Variants in GALNT17 observed in about 807,000 individuals in gnomAD.
The protein encoded by GALNT17 is polypeptide N-acetylgalactosaminyltransferase 17.
Under a neutral mutation model 63.7 loss-of-function variants are expected in GALNT17, and 29 were observed. That is an observed-to-expected ratio of 0.46 (90% CI 0.34 to 0.62). The LOEUF is 0.62. Among genes scored for constraint, GALNT17 ranks in the 20% least tolerant of loss-of-function variants. The pLI is 0.01. For missense variants in GALNT17, 603 were observed against 799.6 expected (o/e 0.75, Z 2.97); for synonymous variants, 305 against 318.3 (o/e 0.96, Z 0.45).
chr7:71,470,328 G>A (rs1407588786), intron 5 of GALNT17, among the ~76,000 whole-genome samples: 1 of 152,136 alleles, frequency 6.6e-6, no homozygotes, highest in Non-Finnish European at 1.5e-5. Flanking sequence ...TTTAAGTTTT[G>A]GAGGATGTTT....
chr7:71,473,482 T>A (rs567176898), intron 5 of GALNT17, among the ~76,000 whole-genome samples: 1 of 152,218 alleles, frequency 6.6e-6, no homozygotes, highest in African/African-American at 2.4e-5. Flanking sequence ...GGGTCTGGCA[T>A]GTGACACTAT....
At chr7:71,178,069 A>G (rs899591780) in intron 1 of GALNT17, among the ~76,000 whole-genome samples, 1 of 152,144 alleles carries the variant, frequency 6.6e-6, no homozygotes, top group Non-Finnish European at 1.5e-5. Context: ...TGGCTGAAGA[A>G]ATTCCTTTAG....
At chr7:71,547,696 A>G (rs907978202) in intron 5 of GALNT17, among the ~76,000 whole-genome samples, 1 of 152,188 alleles carries the variant, frequency 6.6e-6, no homozygotes, top group Non-Finnish European at 1.5e-5. Flanking sequence ...TAATGAAAGC[A>G]GTTTTCTAAT....
At chr7:71,150,516 CTTT>C (rs1039115599) in intron 1 of GALNT17, among the ~76,000 whole-genome samples, 2 of 141,440 alleles carry the variant, frequency 1.4e-5, no homozygotes. Flanking sequence ...TTTTCTTTTT[CTTT>C]TTTTTTTTTT....
At chr7:71,419,194 C>T (rs569399603) in intron 4 of GALNT17, among the ~76,000 whole-genome samples, 1 of 152,294 alleles carries the variant, frequency 6.6e-6, no homozygotes, top group African/African-American at 2.4e-5. Context: ...ATGATCTGGA[C>T]TTGCATGGGG....
rs141180649 is a variant in GALNT17 at position 71,347,638 on chromosome 7, C to G, written c.422+11905C>G. The stretch of plus-strand genomic sequence containing the variant: ...GGCATTTCCTTGTCCCCAAGCAGCA[C>G]AGAAATCCAGAGGGTCCAGCCTGAG... On this transcript the variant is annotated intron_variant, in intron 2 of 10. Transcript: ENST00000333538. Among the ~76,000 whole-genome samples the G allele has an allele frequency of 2.4e-3, 364 of 152,120 alleles. 1 individual carries two copies. Among genetic ancestry groups the G allele is most frequent in the African/African-American group, 8.4e-3 (347 of 41,508 alleles).
chr7:71,607,442 A>G (rs1366422216), intron 6 of GALNT17, among the ~76,000 whole-genome samples: 1 of 152,364 alleles, frequency 6.6e-6, no homozygotes, highest in South Asian at 2.1e-4. Context: ...CTTGAAACAC[A>G]TAGAAAAGTT....
At chr7:71,515,945 C>T (rs971723124) in intron 5 of GALNT17, among the ~76,000 whole-genome samples, 8 of 152,184 alleles carry the variant, frequency 5.3e-5, no homozygotes, top group Admixed American at 2.0e-4. Context: ...GTCACTTTCT[C>T]GTGAGGCTTT....
intron 3 of GALNT17, 81 bp downstream of exon 3, chr7:71,388,482 A>G (rs1262445682): frequency 6.6e-7 from 1 of 1,517,204 alleles, no homozygotes; most frequent in Non-Finnish European, 9.0e-7. Flanking sequence ...GAGCCCGAGC[A>G]TCTGTGTCTC....
intron 1 of GALNT17, among the ~76,000 whole-genome samples, chr7:71,287,967 G>A (rs58735502): frequency 0.045 from 6,691 of 148,420 alleles, 511 homozygotes; most frequent in African/African-American, 0.16. Context: ...CAGGAGAATC[G>A]CTTGAACCAG....
At chr7:71,245,795 A>G (rs1429975634) in intron 1 of GALNT17, among the ~76,000 whole-genome samples, 5 of 151,374 alleles carry the variant, frequency 3.3e-5, no homozygotes, top group Admixed American at 3.3e-4. Flanking sequence ...GGAGAAATCA[A>G]TAGGGGAAGA....
chr7:71,184,989 TTCCTTCCTTCTTCCTTCCCTCCCTCCC>T (rs1353879839), intron 1 of GALNT17, among the ~76,000 whole-genome samples: 2 of 123,770 alleles, frequency 1.6e-5, no homozygotes, highest in African/African-American at 3.5e-5. Flanking sequence ...CCTTCCTTCC[TTCCTTCCTTCTTCCTTCCCTCCCTCCC>T]TCCTTCCTTC....
At chr7:71,549,007 G>C (rs1029657417) in intron 5 of GALNT17, among the ~76,000 whole-genome samples, 1 of 152,142 alleles carries the variant, frequency 6.6e-6, no homozygotes, top group Admixed American at 6.5e-5. Context: ...TGAGCCTCTG[G>C]GGGTTATGGA....
At chr7:71,317,077 T>C (rs1266256592) in intron 1 of GALNT17, among the ~76,000 whole-genome samples, 1 of 152,184 alleles carries the variant, frequency 6.6e-6, no homozygotes, top group African/African-American at 2.4e-5. Context: ...GGCCTCCGGC[T>C]TGAGCTGGGC....
chr7:71,552,469 C>G (rs945390687), intron 5 of GALNT17, among the ~76,000 whole-genome samples: 5 of 144,876 alleles, frequency 3.5e-5, no homozygotes, highest in African/African-American at 1.3e-4. Flanking sequence ...GAGATGGAGT[C>G]TCACTCTGTT....
chr7:71,362,614 G>A (rs1792424554), intron 2 of GALNT17, among the ~76,000 whole-genome samples: 1 of 152,158 alleles, frequency 6.6e-6, no homozygotes, highest in Non-Finnish European at 1.5e-5. Flanking sequence ...ATCCCACGTG[G>A]CTGTGTGATT....
chr7:71,303,525 T>C (rs1791237637), intron 1 of GALNT17, among the ~76,000 whole-genome samples: 1 of 152,150 alleles, frequency 6.6e-6, no homozygotes, highest in Non-Finnish European at 1.5e-5. Flanking sequence ...TGAATAGACA[T>C]TGGGACACTT....
At chr7:71,205,130 ATT>A (rs1314275264) in intron 1 of GALNT17, among the ~76,000 whole-genome samples, 1 of 131,880 alleles carries the variant, frequency 7.6e-6, no homozygotes, top group African/African-American at 2.7e-5. Context: ...ATTTTATTTT[ATT>A]TTTTATTTTT....
intron 1 of GALNT17, among the ~76,000 whole-genome samples, chr7:71,222,582 G>A (rs141357021): frequency 1.3e-5 from 2 of 152,268 alleles, no homozygotes; most frequent in South Asian, 2.1e-4. Context: ...GTTAGCCATC[G>A]TGCCCAGCAC....
Sources: gnomAD v4.1 joint callset for allele counts (sites outside exome capture counted in the v4.1 genomes callset) on GRCh38, gnomAD v4.1.1 for gene constraint, MANE v1.5 for transcripts, NCBI Gene and HGNC (gene_info 2026-07-23, HGNC 2026-07-21) for gene names.